The following CUBN variants were observed in gnomAD, a reference collection of about 807,000 sequenced individuals.
CUBN encodes the protein 460 kDa receptor.
In CUBN, 282 loss-of-function variants were observed where a neutral mutation model predicts 405.3. That is an observed-to-expected ratio of 0.70 (90% CI 0.63 to 0.77). The LOEUF (loss-of-function observed/expected upper bound fraction) is 0.77, where lower values mean the gene tolerates loss of function less well. Ranked by LOEUF, CUBN falls within the 30% of genes least tolerant of loss-of-function variation. The pLI is 0.00. For synonymous variants in CUBN, 1,684 were observed against 1,617.0 expected, an observed-to-expected ratio of 1.04 and a Z score of -0.99; for missense variants, 4,514 against 4,475.2, an observed-to-expected ratio of 1.01 and a Z score of -0.25.
chr10:17,123,141 A>G (rs1837085817), intron 5 of CUBN, among the ~76,000 whole-genome samples: 1 of 152,194 alleles, frequency 6.6e-6, no homozygotes, highest in Non-Finnish European at 1.5e-5. Context: ...TTATCTAAAC[A>G]TAATAGAATC....
At chr10:17,090,907 T>A (rs2131285641) in intron 14 of CUBN, among the ~76,000 whole-genome samples, 1 of 152,102 alleles carries the variant, frequency 6.6e-6, no homozygotes, top group East Asian at 1.9e-4. Context: ...AGGGTATTTT[T>A]TCTTTAAAAA....
intron 25 of CUBN, 30 bp downstream of exon 25, chr10:17,044,977 G>T: frequency 6.2e-7 from 1 of 1,604,460 alleles, no homozygotes; most frequent in South Asian, 1.1e-5. Context: ...ATGGGAGCAG[G>T]GAACAATATG....
chr10:16,900,312 G>A (rs908853654), intron 53 of CUBN, among the ~76,000 whole-genome samples: 5 of 152,282 alleles, frequency 3.3e-5, no homozygotes, highest in East Asian at 1.9e-4. Flanking sequence ...CCCTTTTGCC[G>A]ATGAAGGCAG....
intron 48 of CUBN, among the ~76,000 whole-genome samples, chr10:16,909,435 T>A (rs1257265246): frequency 6.6e-6 from 1 of 152,174 alleles, no homozygotes; most frequent in Non-Finnish European, 1.5e-5. Flanking sequence ...GATGATGTAA[T>A]AATAGAACTG....
chr10:16,880,605 C>T (rs1840640835), intron 56 of CUBN, among the ~76,000 whole-genome samples: 1 of 152,184 alleles, frequency 6.6e-6, no homozygotes, highest in Non-Finnish European at 1.5e-5. Context: ...ATAAACCCTA[C>T]TTTGTATCTA....
Position 17,110,915 on chromosome 10 carries a change from G to A in CUBN, c.1015+4C>T, listed in dbSNP as rs1265950661. 6.2e-7 allele frequency: 1 copy of A among 1,614,112 alleles called. No homozygotes were observed. The highest frequency in any genetic ancestry group is 8.5e-7 in the Non-Finnish European group (1 of 1,180,040). Reference sequence around the variant, plus strand: ...AGGAGGTTGACATTGAACCGAGGCAGCACCTGGTGGACAGGCCTGGCAGTG... The same window carrying A: ...AGGAGGTTGACATTGAACCGAGGCAACACCTGGTGGACAGGCCTGGCAGTG... On this transcript the variant is annotated splice_donor_region_variant and intron_variant, in intron 9 of 66. Transcript: ENST00000377833.
At chr10:16,918,268 T>A (rs1841940282) in intron 45 of CUBN, among the ~76,000 whole-genome samples, 1 of 152,216 alleles carries the variant, frequency 6.6e-6, no homozygotes, top group Admixed American at 6.5e-5. Flanking sequence ...TTGCCTTGGC[T>A]ATTTGGGTTC....
intron 56 of CUBN, among the ~76,000 whole-genome samples, chr10:16,880,337 C>G (rs1840632276): frequency 6.6e-6 from 1 of 152,158 alleles, no homozygotes; most frequent in Non-Finnish European, 1.5e-5. Context: ...AGACCCAATC[C>G]AGGCCAATCA....
At position 16,937,640 on chromosome 10, in the gene CUBN, A is replaced by C; in HGVS notation, c.5878T>G (p.Trp1960Gly). Residue 1960 changes from tryptophan (W) to glycine (G), a missense_variant, in exon 39 of 67, where the codon TGG becomes GGG. Trp to Gly is a radical substitution (Grantham distance 184, BLOSUM62 -2). Coordinates refer to ENST00000377833, the MANE Select transcript of CUBN (RefSeq NM_001081.4). ...SISGKGFLLE[W>G]FAVDAPDGVL... ...CCATCAGGTGCATCCACTGCAAACC[A>C]CTCCAGAAGGAATCCCTTCCCTGAG... The C allele has an allele frequency of 6.2e-7, 1 of 1,614,022 alleles. No homozygotes were observed. Among genetic ancestry groups the C allele is most frequent in the Non-Finnish European group, 8.5e-7 (1 of 1,179,972 alleles).
chr10:16,961,955 G>A lies in CUBN; in HGVS notation c.4696-7407C>T, dbSNP rs576457968. On this transcript the variant is annotated intron_variant, in intron 31 of 66. Coordinates refer to ENST00000377833, the MANE Select transcript of CUBN (RefSeq NM_001081.4). ...TCTCCATCTCCTGACCTCGTGATCC[G>A]CCCGCCTCAGCCTCCCAAAGTGCTG... 1.5e-4 allele frequency among the ~76,000 whole-genome samples: 22 copies of A among 151,648 alleles called. No individual in the cohort carries two copies. The South Asian group carries it at 1.9e-3, about 13-fold the overall frequency.
At chr10:17,061,935 A>G (rs1439613229) in intron 22 of CUBN, among the ~76,000 whole-genome samples, 1 of 152,164 alleles carries the variant, frequency 6.6e-6, no homozygotes, top group African/African-American at 2.4e-5. Context: ...CCAATCAGCT[A>G]TGTATTCTTG....
intron 14 of CUBN, among the ~76,000 whole-genome samples, chr10:17,089,760 G>C (rs1484422924): frequency 6.6e-6 from 1 of 152,078 alleles, no homozygotes; most frequent in Non-Finnish European, 1.5e-5. Context: ...TATCGCAAAG[G>C]TACATTGGCA....
At chr10:16,973,891 T>A (rs545260874) in intron 31 of CUBN, among the ~76,000 whole-genome samples, 1 of 152,208 alleles carries the variant, frequency 6.6e-6, no homozygotes, top group Non-Finnish European at 1.5e-5. Context: ...CCATCCACCA[T>A]TGATGGGCAT....
chr10:17,043,002 A>G (rs1163698778), intron 26 of CUBN, among the ~76,000 whole-genome samples: 1 of 152,204 alleles, frequency 6.6e-6, no homozygotes, highest in Non-Finnish European at 1.5e-5. Flanking sequence ...TGATAAAGTA[A>G]AAGTCTCTAT....
intron 50 of CUBN, among the ~76,000 whole-genome samples, chr10:16,904,784 G>A (rs1564415098): frequency 6.6e-6 from 1 of 152,248 alleles, no homozygotes; most frequent in Non-Finnish European, 1.5e-5. Context: ...ACAGCATTTA[G>A]CTGACTGAAA....
At chr10:17,121,861 T>C (rs1837049134) in intron 6 of CUBN, 1 of 152,194 alleles carries the variant, frequency 6.6e-6, no homozygotes, top group South Asian at 2.1e-4. Context: ...AGTGAGATTC[T>C]ACTCCAGAGC....
At chr10:17,110,862 C>T (rs1438707297) in intron 9 of CUBN, 57 bp downstream of exon 9, 45 of 1,612,186 alleles carry the variant, frequency 2.8e-5, no homozygotes, top group South Asian at 1.6e-4. Context: ...TTCCGTATTC[C>T]TATGTCTGTG....
chr10:17,099,581 G>A (rs369959898), intron 14 of CUBN, among the ~76,000 whole-genome samples: 76 of 152,268 alleles, frequency 5.0e-4, no homozygotes, highest in African/African-American at 1.7e-3. Context: ...GGTCACAGTG[G>A]CTCATGCCTG....
chr10:17,057,572 A>G (rs1423084861), intron 22 of CUBN, among the ~76,000 whole-genome samples: 2 of 152,066 alleles, frequency 1.3e-5, no homozygotes, highest in Non-Finnish European at 2.9e-5. Flanking sequence ...TCATTACCAT[A>G]TGAGACCCAG....
Sources: allele counts gnomAD v4.1 joint callset (sites outside exome capture counted in the v4.1 genomes callset), GRCh38; gene constraint gnomAD v4.1.1; transcripts MANE v1.5; gene names NCBI Gene and HGNC (gene_info 2026-07-23, HGNC 2026-07-21).